Variants in FER1L6 observed in about 807,000 individuals in gnomAD.
FER1L6 encodes the protein fer-1-like protein 6.
A neutral mutation model predicts 219.2 loss-of-function variants in FER1L6; 177 were observed. That is an observed-to-expected ratio of 0.81 (90% confidence interval 0.71 to 0.91). The LOEUF (loss-of-function observed/expected upper bound fraction) is 0.91. FER1L6 is among the 40% of genes least tolerant of loss of function. The probability of loss-of-function intolerance (pLI) is 0.00; values close to 1 mark genes in which losing one functional copy is unlikely to be tolerated. For missense variants in FER1L6, 2,153 were observed against 2,259.9 expected, an observed-to-expected ratio of 0.95 and a Z score of 0.96; for synonymous variants, 768 against 824.3, an observed-to-expected ratio of 0.93 and a Z score of 1.17.
intron 1 of FER1L6, among the ~76,000 whole-genome samples, chr8:123,859,927 C>T (rs1426416390): frequency 6.8e-6 from 1 of 146,038 alleles, no homozygotes; most frequent in Non-Finnish European, 1.5e-5. Context: ...GTATATGTGC[C>T]ACATTTTATT....
intron 9 of FER1L6, among the ~76,000 whole-genome samples, chr8:123,976,784 CA>C (rs1816092712): frequency 2.0e-5 from 3 of 152,196 alleles, no homozygotes; most frequent in Admixed American, 1.3e-4. Flanking sequence ...ACCTGTTCCA[CA>C]ATCTCCTCAG....
chr8:124,070,344 G>A (rs7836974), intron 29 of FER1L6, 123 bp from the exon 30 acceptor site: 845,401 of 1,001,496 alleles, frequency 0.84, 358,207 homozygotes, highest in African/African-American at 0.86. Context: ...TAAATTACCA[G>A]TGGCCTCAGA....
chr8:124,010,923 CT>C (rs1563741807), intron 14 of FER1L6, among the ~76,000 whole-genome samples: 1 of 152,178 alleles, frequency 6.6e-6, no homozygotes, highest in Non-Finnish European at 1.5e-5. Flanking sequence ...ATCAAACTAC[CT>C]GAATTCAAAT....
intron 1 of FER1L6, among the ~76,000 whole-genome samples, chr8:123,858,259 T>C (rs1167614693): frequency 1.3e-5 from 2 of 152,246 alleles, no homozygotes; most frequent in East Asian, 3.8e-4. Flanking sequence ...AGATGGCGTC[T>C]GTCAGGTTCT....
At chr8:123,921,192 G>T (rs1480782200) in intron 1 of FER1L6, among the ~76,000 whole-genome samples, 1 of 152,026 alleles carries the variant, frequency 6.6e-6, no homozygotes, top group East Asian at 1.9e-4. Context: ...TATTCTTTTG[G>T]ATATATACCC....
intron 1 of FER1L6, among the ~76,000 whole-genome samples, chr8:123,909,780 AGCTGTCCTTGTC>A (rs1813019415): frequency 1.3e-5 from 2 of 150,866 alleles, no homozygotes; most frequent in South Asian, 2.1e-4. Context: ...GGGATGATGT[AGCTGTCCTTGTC>A]AACTAGGGGA....
intron 18 of FER1L6, among the ~76,000 whole-genome samples, chr8:124,026,612 C>A (rs1818717082): frequency 6.6e-6 from 1 of 152,162 alleles, no homozygotes; most frequent in Non-Finnish European, 1.5e-5. Context: ...GAGGTGTTAA[C>A]ACACCCTGGG....
intron 32 of FER1L6, among the ~76,000 whole-genome samples, chr8:124,081,682 T>C (rs907760768): frequency 6.6e-6 from 1 of 151,888 alleles, no homozygotes; most frequent in African/African-American, 2.4e-5. Context: ...GCTTTGGTCT[T>C]GCAATTCTAT....
intron 1 of FER1L6, among the ~76,000 whole-genome samples, chr8:123,881,867 T>C (rs1817116460): frequency 6.6e-6 from 1 of 152,176 alleles, no homozygotes; most frequent in Admixed American, 6.5e-5. Flanking sequence ...GTGGGGCTGA[T>C]TGAGCATATT....
chr8:123,941,524 C>T (rs1814242037), intron 1 of FER1L6, among the ~76,000 whole-genome samples: 1 of 152,142 alleles, frequency 6.6e-6, no homozygotes, highest in Admixed American at 6.5e-5. Flanking sequence ...GATTTGAGTA[C>T]AGGGTGGTCC....
rs370724461 is a variant in FER1L6, at chr8:124,082,279, G to A, written c.4221-9G>A. Reference sequence around the variant, plus strand: ...TAACTGACTCTTGAAGTCTCTGCTTGGACCGCAGGTCATTTGAGATCCAAG... The same window carrying A: ...TAACTGACTCTTGAAGTCTCTGCTTAGACCGCAGGTCATTTGAGATCCAAG... On this transcript the variant is annotated splice_polypyrimidine_tract_variant and intron_variant, in intron 32 of 40. Transcript: ENST00000522917. The A allele has an allele frequency of 1.5e-4, 247 of 1,607,836 alleles. 3 individuals are homozygous for A. Among genetic ancestry groups the A allele is most frequent in the South Asian group, 1.3e-3 (116 of 89,992 alleles).
chr8:123,976,949 C>T (rs529804151), intron 9 of FER1L6, among the ~76,000 whole-genome samples: 2 of 152,234 alleles, frequency 1.3e-5, no homozygotes, highest in African/African-American at 2.4e-5. Context: ...CATTAAAATA[C>T]AGAACTACCC....
Position 123,865,482 on chromosome 8 carries a change from A to T in FER1L6, c.-8+13297A>T, listed in dbSNP as rs1422905396. Among the ~76,000 whole-genome samples, 2 of 149,856 alleles carry T rather than the reference A, an allele frequency of 1.3e-5. 1 individual carries two copies. The highest frequency in any genetic ancestry group is 5.1e-5 in the African/African-American group (2 of 39,528). On this transcript the variant is annotated intron_variant, in intron 1 of 40. Coordinates refer to ENST00000522917, the MANE Select transcript of FER1L6 (RefSeq NM_001039112.2). ...AGGTGGAGCCTACAGAGGCATGCAG[A>T]CCTCCTTGAGCTGTGGTGGGCTCCA...
At chr8:123,999,403 T>C (rs1410243073) in intron 12 of FER1L6, among the ~76,000 whole-genome samples, 3 of 152,224 alleles carry the variant, frequency 2.0e-5, no homozygotes, top group Non-Finnish European at 2.9e-5. Flanking sequence ...CCCAGCACTT[T>C]GGAAGGCCAA....
intron 27 of FER1L6, among the ~76,000 whole-genome samples, chr8:124,067,044 C>G (rs1820858908): frequency 6.6e-6 from 1 of 152,084 alleles, no homozygotes. Context: ...GCCTCATGTC[C>G]ATGGAATGAG....
chr8:124,019,813 G>C (rs1818376199), intron 16 of FER1L6, among the ~76,000 whole-genome samples: 1 of 152,192 alleles, frequency 6.6e-6, no homozygotes, highest in Non-Finnish European at 1.5e-5. Context: ...TACAGATTGT[G>C]ATTCAAAAGG....
At chr8:124,065,857 G>A (rs891277881) in intron 26 of FER1L6, among the ~76,000 whole-genome samples, 6 of 152,088 alleles carry the variant, frequency 3.9e-5, no homozygotes, top group Non-Finnish European at 5.9e-5. Flanking sequence ...TCTGCCACAC[G>A]TCTATCACTC....
intron 1 of FER1L6, among the ~76,000 whole-genome samples, chr8:123,874,196 C>G (rs929325626): frequency 6.6e-6 from 1 of 152,172 alleles, no homozygotes; most frequent in Non-Finnish European, 1.5e-5. Context: ...CTCAAGTGAG[C>G]TCTTACTGAT....
At chr8:124,103,497 G>A (rs541039652) in intron 39 of FER1L6, among the ~76,000 whole-genome samples, 188 bp downstream of exon 39, 1 of 152,180 alleles carries the variant, frequency 6.6e-6, no homozygotes, top group Non-Finnish European at 1.5e-5. Flanking sequence ...TATCTATGTT[G>A]AGGTGATTTT....
Sources: allele counts gnomAD v4.1 joint callset (sites outside exome capture counted in the v4.1 genomes callset), GRCh38; gene constraint gnomAD v4.1.1; transcripts MANE v1.5; gene names NCBI Gene and HGNC (gene_info 2026-07-23, HGNC 2026-07-21).